PPP4R2: variants seen among roughly 807,000 people sequenced by gnomAD.
PPP4R2 encodes serine/threonine-protein phosphatase 4 regulatory subunit 2.
A neutral mutation model predicts 47.2 loss-of-function variants in PPP4R2; 13 were observed. The ratio of observed to expected loss-of-function variants is 0.28; its 90% CI spans 0.18 to 0.44. The LOEUF is 0.44. Among genes scored for constraint, PPP4R2 ranks in the 20% least tolerant of loss-of-function variants. The probability of loss-of-function intolerance (pLI) is 1.00; values close to 1 mark genes in which losing one functional copy is unlikely to be tolerated. For synonymous variants in PPP4R2, 151 were observed against 163.3 expected, an observed-to-expected ratio of 0.92 and a Z score of 0.57; for missense variants, 421 against 491.2, an observed-to-expected ratio of 0.86 and a Z score of 1.35.
chr3:73,062,748 T>A, intron 5 of PPP4R2: 1 of 1,613,968 alleles, frequency 6.2e-7, no homozygotes, highest in Non-Finnish European at 8.5e-7. Context: ...TGGAAGACTT[T>A]CACATGGTGA....
At chr3:73,009,932 G>A (rs953651014) in intron 2 of PPP4R2, among the ~76,000 whole-genome samples, 4 of 152,152 alleles carry the variant, frequency 2.6e-5, no homozygotes, top group African/African-American at 7.2e-5. Flanking sequence ...GATGTGTCAG[G>A]CTGCCCAGGT....
chr3:72,998,275 C>A, intron 2 of PPP4R2, 117 bp downstream of exon 2: 1 of 628,528 alleles, frequency 1.6e-6, no homozygotes. Context: ...TTGTAGAAGT[C>A]CTGGTCATTT....
chr3:73,006,318 C>T (rs1701609044), intron 2 of PPP4R2, among the ~76,000 whole-genome samples: 1 of 151,298 alleles, frequency 6.6e-6, no homozygotes, highest in Admixed American at 6.6e-5. Context: ...TCCGTCTCAG[C>T]CTCCCTGGTA....
intron 2 of PPP4R2, among the ~76,000 whole-genome samples, chr3:73,021,758 G>GC (rs1395257546): frequency 5.9e-5 from 9 of 151,860 alleles, no homozygotes; most frequent in Non-Finnish European, 1.0e-4. Flanking sequence ...CAAGTACTGC[G>GC]CTAGGTATTG....
At chr3:72,999,418 C>A (rs1701415115) in intron 2 of PPP4R2, among the ~76,000 whole-genome samples, 1 of 152,224 alleles carries the variant, frequency 6.6e-6, no homozygotes, top group African/African-American at 2.4e-5. Flanking sequence ...TAGACTGCCA[C>A]TATTCCTCTT....
In PPP4R2 at chr3:73,065,072, A is replaced by G. The variant is rs1702959224; in HGVS notation, c.859A>G (p.Lys287Glu). The G allele has an allele frequency of 1.2e-6, 2 of 1,614,024 alleles. No homozygotes were observed. Among genetic ancestry groups the G allele is most frequent in the African/African-American group, 2.7e-5 (2 of 75,046 alleles). The change falls in exon 8 of 9, where the codon AAA becomes GAA. Residue 287 changes from lysine to glutamate, a missense_variant. Coordinates refer to ENST00000356692, the MANE Select transcript of PPP4R2 (RefSeq NM_174907.4). ...EASSSSQDKDKDSRCTRQHCT... is the reference protein window; with the variant it reads ...EASSSSQDKDEDSRCTRQHCT... ...ATCATCTTCATCTCAGGATAAAGAC[A>G]AAGATAGCCGTTGTACCCGGCAGCA...
chr3:73,003,705 TTG>T (rs933165246), intron 2 of PPP4R2, among the ~76,000 whole-genome samples: 2 of 125,098 alleles, frequency 1.6e-5, no homozygotes, highest in African/African-American at 6.3e-5. Flanking sequence ...TTTTTTTGTT[TTG>T]TTTTTTTTTG....
intron 2 of PPP4R2, among the ~76,000 whole-genome samples, chr3:73,041,772 A>G (rs1015883785): frequency 1.3e-5 from 2 of 152,274 alleles, no homozygotes; most frequent in Admixed American, 1.3e-4. Flanking sequence ...CAGTACGTTA[A>G]GGTGGTTGGC....
rs954133379 is a variant in PPP4R2 at position 73,068,576 on chromosome 3, G to T, written c.*2854G>T. The T allele has an allele frequency of 2.0e-5, 3 of 152,210 alleles. No homozygotes were observed. Among genetic ancestry groups the T allele is most frequent in the African/African-American group, 7.2e-5 (3 of 41,464 alleles). 9.4% of individuals were successfully genotyped at this position (152,210 alleles called of 1,614,324 possible). ...ACACCTTTCAGACGTGTGTTTTGGA[G>T]TAGTGGAATTGCCAGCCAGGCCCTG... is the stretch of plus-strand genomic sequence containing the variant. On this transcript the variant is annotated 3_prime_UTR_variant, in exon 9 of 9. Coordinates refer to ENST00000356692, the MANE Select transcript of PPP4R2 (RefSeq NM_174907.4).
Position 73,067,693 on chromosome 3 carries a change from T to C in PPP4R2, c.*1971T>C, listed in dbSNP as rs73838461. On this transcript the variant is annotated 3_prime_UTR_variant, in exon 9 of 9. Transcript: ENST00000356692. ...ACCTTTTGATATTTTTTATTTTAAT[T>C]GTAGTGCCATGGACCATTTGTAAAC... 1 of 152,196 alleles carries C rather than the reference T, an allele frequency of 6.6e-6. No homozygotes were observed. Among genetic ancestry groups the C allele is most frequent in the African/African-American group, 2.4e-5 (1 of 41,458 alleles). 9.4% of individuals were successfully genotyped at this position (152,196 alleles called of 1,614,324 possible). A position where few individuals can be genotyped will look rare whatever the true frequency, so the allele number is the denominator to read the frequency against.
chr3:73,006,218 G>A (rs1322155107), intron 2 of PPP4R2, among the ~76,000 whole-genome samples: 1 of 49,010 alleles, frequency 2.0e-5, no homozygotes. Flanking sequence ...TTTTTTTTTT[G>A]AGATGGAGTG....
chr3:73,027,812 G>A (rs1575858030), intron 2 of PPP4R2: 1 of 151,434 alleles, frequency 6.6e-6, no homozygotes, highest in East Asian at 1.9e-4. Flanking sequence ...AGTGGAGAAT[G>A]TTACAGCTCT....
chr3:73,059,171 A>C, intron 4 of PPP4R2, 41 bp downstream of exon 4: 1 of 992,382 alleles, frequency 1.0e-6, no homozygotes, highest in East Asian at 2.6e-5. Flanking sequence ...GCTGTGGTGT[A>C]ATAGCTTTTA....
At chr3:73,062,486 G>T (rs1323045498) in intron 5 of PPP4R2, 1 of 1,613,350 alleles carries the variant, frequency 6.2e-7, no homozygotes. Context: ...TATTTGATGG[G>T]TTACACCAGG....
intron 3 of PPP4R2, among the ~76,000 whole-genome samples, chr3:73,053,684 C>T (rs897142304): frequency 7.3e-5 from 11 of 151,220 alleles, no homozygotes; most frequent in African/African-American, 1.5e-4. Flanking sequence ...CCCAGGCAGG[C>T]GGATCATGAG....
intron 2 of PPP4R2, among the ~76,000 whole-genome samples, chr3:73,012,898 T>C (rs1244021013): frequency 6.9e-6 from 1 of 144,708 alleles, no homozygotes; most frequent in Non-Finnish European, 1.5e-5. Context: ...AGGTAGAATG[T>C]AGGCTTTTTT....
chr3:73,002,236 C>T (rs934136595), intron 2 of PPP4R2, among the ~76,000 whole-genome samples: 1 of 152,122 alleles, frequency 6.6e-6, no homozygotes, highest in Non-Finnish European at 1.5e-5. Context: ...GATGGGAACT[C>T]AGGTTGGTTC....
chr3:73,046,575 C>T (rs915863764), intron 2 of PPP4R2, among the ~76,000 whole-genome samples: 2 of 152,046 alleles, frequency 1.3e-5, no homozygotes, highest in Admixed American at 6.6e-5. Flanking sequence ...GTGAAAAGTA[C>T]CTAAGCAAAT....
intron 2 of PPP4R2, among the ~76,000 whole-genome samples, chr3:73,035,349 G>A (rs938043373): frequency 2.6e-5 from 4 of 152,070 alleles, no homozygotes; most frequent in Admixed American, 6.6e-5. Flanking sequence ...GCAGTGAGGT[G>A]AGATTGCATC....
Sources: gnomAD v4.1 joint callset for allele counts (sites outside exome capture counted in the v4.1 genomes callset) on GRCh38, gnomAD v4.1.1 for gene constraint, MANE v1.5 for transcripts, NCBI Gene and HGNC (gene_info 2026-07-23, HGNC 2026-07-21) for gene names.